Variants in PCDH9 observed in about 807,000 individuals in gnomAD.
PCDH9 encodes protocadherin-9.
A neutral mutation model predicts 70.6 loss-of-function variants in PCDH9; 24 were observed. That is an observed-to-expected ratio of 0.34 (90% confidence interval 0.25 to 0.48). PCDH9 has a LOEUF of 0.48. PCDH9 is among the 20% of genes least tolerant of loss of function. PCDH9 has a pLI of 0.99. For missense variants in PCDH9, 1,281 were observed against 1,503.6 expected (o/e 0.85, Z 2.45); for synonymous variants, 562 against 558.5 (o/e 1.01, Z -0.09).
intron 3 of PCDH9, among the ~76,000 whole-genome samples, chr13:66,788,308 C>T (rs1286336893): frequency 6.6e-6 from 1 of 152,078 alleles, no homozygotes; most frequent in African/African-American, 2.4e-5. Flanking sequence ...AAAGGCCTCG[C>T]CTCCCAACCC....
In PCDH9 at chr13:66,532,029, C is replaced by T. The variant is rs142840831; in HGVS notation, c.3340+99181G>A. ...AGAGACAGGGTTTTGTTCTTTTGCC[C>T]AGGCTGGAATGCAATGGCACAAGCA... On this transcript the variant is annotated intron_variant, in intron 4 of 4. Transcript: ENST00000377865. Among the ~76,000 whole-genome samples, 48 of 152,146 alleles carry T rather than the reference C, an allele frequency of 3.2e-4. No individual in the cohort carries two copies. In the East Asian group the frequency reaches 8.7e-3, roughly 28 times the overall value.
intron 2 of PCDH9, among the ~76,000 whole-genome samples, chr13:66,934,535 C>T (rs1594280694): frequency 1.6e-5 from 1 of 64,022 alleles, no homozygotes; most frequent in Admixed American, 1.4e-4. Context: ...TAGTGAAACT[C>T]AGTCCCAAAA....
chr13:66,828,163 T>C (rs996552478), intron 3 of PCDH9, among the ~76,000 whole-genome samples: 1 of 152,088 alleles, frequency 6.6e-6, no homozygotes. Flanking sequence ...AAAGTACTAA[T>C]AACTAATTTA....
chr13:67,129,609 A>C (rs1283252071), intron 2 of PCDH9, among the ~76,000 whole-genome samples: 1 of 147,406 alleles, frequency 6.8e-6, no homozygotes, highest in African/African-American at 2.5e-5. Flanking sequence ...ACTCTTCTCT[A>C]GAATCATATA....
At chr13:66,851,304 A>T (rs747248890) in intron 3 of PCDH9, among the ~76,000 whole-genome samples, 4 of 152,178 alleles carry the variant, frequency 2.6e-5, no homozygotes, top group Admixed American at 6.6e-5. Context: ...AGCTCTTTAA[A>T]ACAGAAATAC....
chr13:66,608,367 A>T (rs1022601170), intron 4 of PCDH9, among the ~76,000 whole-genome samples: 2 of 152,168 alleles, frequency 1.3e-5, no homozygotes, highest in Non-Finnish European at 2.9e-5. Flanking sequence ...CTGATTTTTT[A>T]AAAATAATTA....
At chr13:66,364,888 CAAG>C (rs2138201902) in intron 4 of PCDH9, among the ~76,000 whole-genome samples, 1 of 152,210 alleles carries the variant, frequency 6.6e-6, no homozygotes, top group East Asian at 1.9e-4. Flanking sequence ...ACGGCAGACT[CAAG>C]TCAAATAGAG....
intron 3 of PCDH9, among the ~76,000 whole-genome samples, chr13:66,855,676 A>AG (rs1374049702): frequency 1.3e-5 from 2 of 152,048 alleles, no homozygotes; most frequent in African/African-American, 4.8e-5. Context: ...CAACTTACTG[A>AG]CAAAAAAGGC....
At chr13:67,032,310 T>A (rs887558659) in intron 2 of PCDH9, among the ~76,000 whole-genome samples, 8 of 151,428 alleles carry the variant, frequency 5.3e-5, no homozygotes, top group African/African-American at 1.9e-4. Flanking sequence ...CACATACAAC[T>A]ATATATTTTT....
chr13:66,554,756 A>G (rs186407571), intron 4 of PCDH9, among the ~76,000 whole-genome samples: 84 of 152,338 alleles, frequency 5.5e-4, no homozygotes, highest in African/African-American at 1.9e-3. Flanking sequence ...TTTGGAGAAA[A>G]AATAAATAAC....
intron 3 of PCDH9, among the ~76,000 whole-genome samples, chr13:66,714,523 G>A (rs1258192175): frequency 6.6e-6 from 1 of 151,698 alleles, no homozygotes; most frequent in Non-Finnish European, 1.5e-5. Context: ...CAGTTTTACG[G>A]TTCAACAAAT....
In PCDH9 at chr13:66,834,358, T is replaced by A. The variant is rs985997731; in HGVS notation, c.3138+69146A>T. Among the ~76,000 whole-genome samples, 18 of 151,972 alleles carry A rather than the reference T, an allele frequency of 1.2e-4. No individual in the cohort carries two copies. In the East Asian group the frequency reaches 2.1e-3, roughly 18 times the overall value. ...CTTTTAGTAGAGACGGCCAGGCTGG[T>A]CTCAAACTGCTGACCTCAGGTGATC... On this transcript the variant is annotated intron_variant, in intron 3 of 4. Coordinates refer to ENST00000377865, the MANE Select transcript of PCDH9 (RefSeq NM_203487.3).
chr13:67,221,503 A>C (rs2089724186), intron 2 of PCDH9: 1 of 152,000 alleles, frequency 6.6e-6, no homozygotes, highest in Non-Finnish European at 1.5e-5. Flanking sequence ...GTGAGTAAAT[A>C]CTCTAGATTG....
At chr13:66,888,283 C>T (rs1245891679) in intron 3 of PCDH9, among the ~76,000 whole-genome samples, 1 of 151,876 alleles carries the variant, frequency 6.6e-6, no homozygotes, top group African/African-American at 2.4e-5. Flanking sequence ...TCACTTGAGC[C>T]CAGGAATTCA....
chr13:66,678,858 T>G (rs2078279122), intron 3 of PCDH9, among the ~76,000 whole-genome samples: 1 of 151,776 alleles, frequency 6.6e-6, no homozygotes, highest in Non-Finnish European at 1.5e-5. Context: ...GTACACTTAG[T>G]ATGTTCTTTT....
chr13:67,079,626 A>C (rs2085945243), intron 2 of PCDH9, among the ~76,000 whole-genome samples: 1 of 152,144 alleles, frequency 6.6e-6, no homozygotes, highest in African/African-American at 2.4e-5. Context: ...ATCGGACTAA[A>C]ATTACCCTGC....
At chr13:66,378,347 T>C (rs1026389270) in intron 4 of PCDH9, among the ~76,000 whole-genome samples, 1 of 151,858 alleles carries the variant, frequency 6.6e-6, no homozygotes, top group African/African-American at 2.4e-5. Context: ...TAACTGGAGA[T>C]GGGTAAGTGC....
chr13:66,328,772 G>T (rs1043784680), intron 4 of PCDH9, among the ~76,000 whole-genome samples: 1 of 152,018 alleles, frequency 6.6e-6, no homozygotes, highest in East Asian at 1.9e-4. Context: ...CAGTCAAGAA[G>T]TGATTTTTTT....
rs75243281 is a variant in PCDH9 at position 67,090,276 on chromosome 13, A to C, written c.3036+135129T>G. On this transcript the variant is annotated intron_variant, in intron 2 of 4. Transcript: ENST00000377865. ...ATGCATATTCTCATTCATTATATCC[A>C]GGGTAGGACTTCATACTCAGCATTT... is the stretch of plus-strand genomic sequence containing the variant. 3.5e-3 allele frequency among the ~76,000 whole-genome samples: 526 copies of C among 152,136 alleles called. 1 individual carries two copies. Among genetic ancestry groups the C allele is most frequent in the Non-Finnish European group, 5.8e-3 (393 of 67,902 alleles).
Sources: allele counts gnomAD v4.1 joint callset (sites outside exome capture counted in the v4.1 genomes callset), GRCh38; gene constraint gnomAD v4.1.1; transcripts MANE v1.5; gene names NCBI Gene and HGNC (gene_info 2026-07-23, HGNC 2026-07-21).